SLFN14: variants seen among roughly 807,000 people sequenced by gnomAD.
SLFN14 encodes the protein protein SLFN14.
SLFN14 carries 47 observed loss-of-function variants against 58.6 expected under a neutral mutation model. The observed-to-expected ratio is 0.80, with a 90% CI of 0.64 to 1.02. The LOEUF (loss-of-function observed/expected upper bound fraction) is 1.02, where lower values mean the gene tolerates loss of function less well. SLFN14 is among the 50% of genes least tolerant of loss of function. The probability of loss-of-function intolerance (pLI) is 0.00; values close to 1 mark genes in which losing one functional copy is unlikely to be tolerated. For missense variants in SLFN14, 967 were observed against 1,078.4 expected, an observed-to-expected ratio of 0.90 and a Z score of 1.45; for synonymous variants, 390 against 387.3, an observed-to-expected ratio of 1.01 and a Z score of -0.08.
chr17:35,551,355 A>AT (rs1055928451), intron 5 of SLFN14, among the ~76,000 whole-genome samples: 1 of 152,124 alleles, frequency 6.6e-6, no homozygotes, highest in Non-Finnish European at 1.5e-5. Context: ...CCTCAGGAAT[A>AT]TTTTTTGTCT....
chr17:35,553,140 A>C lies in SLFN14; in HGVS notation c.1494T>G (p.Thr498=), dbSNP rs1305649243. 6.4e-7 allele frequency: 1 copy of C among 1,551,650 alleles called. No homozygotes were observed. Among genetic ancestry groups the C allele is most frequent in the Non-Finnish European group, 8.7e-7 (1 of 1,146,986 alleles). The stretch of plus-strand genomic sequence containing the variant: ...ACACTTTCCCTGTGTAACCACCAAC[A>C]GTTTGCAGTTTCTGCTTTAACTGAT... ...TAHQLKQKLQ[T]VGGYTGKVCI... The change falls in exon 5 of 6, where the codon ACT becomes ACG. Residue 498 remains threonine (T), a synonymous_variant. Transcript: ENST00000674182.
rs879402443 is a variant in SLFN14 at position 35,547,060 on chromosome 17, A to G, written c.*1179T>C. ...AGAGTATAAGGCATTTCTAGCCTAC[A>G]TGAATGTATTCACATACATAGAGGA... On this transcript the variant is annotated 3_prime_UTR_variant, in exon 6 of 6. Coordinates refer to ENST00000674182, the MANE Select transcript of SLFN14 (RefSeq NM_001129820.2). Among the ~76,000 whole-genome samples, 4 of 152,206 alleles carry G rather than the reference A, an allele frequency of 2.6e-5. No homozygotes were observed. Among genetic ancestry groups the G allele is most frequent in the Admixed American group, 2.6e-4 (4 of 15,282 alleles).
In SLFN14 at chr17:35,548,096, G is replaced by A. The variant is rs2072548254; in HGVS notation, c.*143C>T. On this transcript the variant is annotated 3_prime_UTR_variant, in exon 6 of 6. Coordinates refer to ENST00000674182, the MANE Select transcript of SLFN14 (RefSeq NM_001129820.2). ...GCATTGAAATAGAGTGGAAGGCTCA[G>A]CTCCAAGAGACATTTCTGTGGCTCC... 1.3e-6 allele frequency: 1 copy of A among 792,578 alleles called. No homozygotes were observed. Among genetic ancestry groups the A allele is most frequent in the Admixed American group, 2.9e-5 (1 of 34,546 alleles). The allele number at this position is 792,578 out of a possible 1,614,324, so 49.1% of individuals were successfully genotyped here. A position where few individuals can be genotyped will look rare whatever the true frequency, so the allele number is the denominator to read the frequency against.
At position 35,552,734 on chromosome 17, in the gene SLFN14, C is replaced by T. The variant is rs1373783660; in HGVS notation, c.1900G>A (p.Val634Met). 2 of 1,541,502 alleles carry T rather than the reference C, an allele frequency of 1.3e-6. No individual in the cohort carries two copies. Among genetic ancestry groups the T allele is most frequent in the East Asian group, 2.5e-5 (1 of 40,802 alleles). Residue 634 changes from valine (V) to methionine (M), a missense_variant, in exon 5 of 6, where the codon GTG (valine) becomes ATG (methionine). Val to Met is a conservative substitution (Grantham distance 21, BLOSUM62 1). Coordinates refer to ENST00000674182, the MANE Select transcript of SLFN14 (RefSeq NM_001129820.2). The stretch of plus-strand genomic sequence containing the variant: ...TGTAGTTGGTAAAACTCTTACGTCA[C>T]AAAATCCTTTAGGGAGTCGCTTTCA... ...VCESDSLKDF[V>M]TQQTTCQAVT... is the part of the protein sequence containing the mutation.
Position 35,552,713 on chromosome 17 carries a change from G to C in SLFN14, c.1904+17C>G. The C allele has an allele frequency of 6.6e-7, 1 of 1,515,274 alleles. No homozygotes were observed. The highest frequency in any genetic ancestry group is 1.2e-5 in the South Asian group (1 of 80,236). The allele number at this position is 1,515,274 out of a possible 1,614,324, so 93.9% of individuals were successfully genotyped here. A position where few individuals can be genotyped will look rare whatever the true frequency, so the allele number is the denominator to read the frequency against. On this transcript the variant is annotated intron_variant, in intron 5 of 5. Coordinates refer to ENST00000674182, the MANE Select transcript of SLFN14 (RefSeq NM_001129820.2). ...ACATACATATTTTTGTGTGTGTGTA[G>C]TTGGTAAAACTCTTACGTCACAAAA...
rs1306017787 is a variant in SLFN14 at position 35,547,508 on chromosome 17, C to T, written c.*731G>A. Among the ~76,000 whole-genome samples the T allele has an allele frequency of 2.0e-5, 3 of 152,200 alleles. No homozygotes were observed. Among genetic ancestry groups the T allele is most frequent in the Non-Finnish European group, 4.4e-5 (3 of 68,038 alleles). On this transcript the variant is annotated 3_prime_UTR_variant, in exon 6 of 6. Coordinates refer to ENST00000674182, the MANE Select transcript of SLFN14 (RefSeq NM_001129820.2). ...TGTTGAGGGCACTGATTAGCAAAAG[C>T]ATTTGACCCACTTATGACTATGGTC...
intron 5 of SLFN14, 127 bp downstream of exon 5, chr17:35,552,603 T>C (rs1259723270): frequency 6.2e-6 from 2 of 323,528 alleles, no homozygotes; most frequent in African/African-American, 2.4e-5. Context: ...AAAAAGAATA[T>C]ATATATATGT....
intron 4 of SLFN14, among the ~76,000 whole-genome samples, chr17:35,553,703 A>G (rs1330103173): frequency 1.3e-5 from 2 of 151,916 alleles, no homozygotes; most frequent in East Asian, 3.9e-4. Context: ...CAGTGGTGTG[A>G]TCTTGGCTCA....
At chr17:35,555,014 C>G (rs2072637656) in intron 3 of SLFN14, among the ~76,000 whole-genome samples, 1 of 151,998 alleles carries the variant, frequency 6.6e-6, no homozygotes, top group Admixed American at 6.6e-5. Context: ...TATTCTGACT[C>G]CAGGTTATCT....
At chr17:35,554,764 A>G in intron 3 of SLFN14, 60 bp from the exon 4 acceptor site, 1 of 1,327,904 alleles carries the variant, frequency 7.5e-7, no homozygotes, top group Non-Finnish European at 9.8e-7. Context: ...AAAAAAAAAA[A>G]AAAAGCCTCT....
At position 35,553,080 on chromosome 17, in the gene SLFN14, T is replaced by C. The variant is rs533901201; in HGVS notation, c.1554A>G (p.Thr518=). The C allele has an allele frequency of 4.5e-6, 7 of 1,551,686 alleles. No homozygotes were observed. Among genetic ancestry groups the C allele is most frequent in the Non-Finnish European group, 5.2e-6 (6 of 1,146,988 alleles). ...IIPRLIHLSS[T]QSRPGEIPLR... ...GGGGGATCTCACCAGGTCTACTCTGTGTGCTGCTCAGGTGTATCAGCCTTG... is the reference window on the plus strand; with the variant it reads ...GGGGGATCTCACCAGGTCTACTCTGCGTGCTGCTCAGGTGTATCAGCCTTG... The change falls in exon 5 of 6, where the codon ACA becomes ACG. Residue 518 remains threonine (T), a synonymous_variant. Transcript: ENST00000674182.
chr17:35,553,056 G>A lies in SLFN14; in HGVS notation c.1578C>T (p.Pro526=), dbSNP rs1210456676. Residue 526 remains proline (P), a synonymous_variant, in exon 5 of 6, where the codon CCC becomes CCT. Coordinates refer to ENST00000674182, the MANE Select transcript of SLFN14 (RefSeq NM_001129820.2). ...GCCTGTAGGACCTGGGGTAACGCAG[G>A]GGGATCTCACCAGGTCTACTCTGTG... ...SSTQSRPGEI[P]LRYPRSYRLA... 2 of 1,551,422 alleles carry A rather than the reference G, an allele frequency of 1.3e-6. No homozygotes were observed. Among genetic ancestry groups the A allele is most frequent in the Non-Finnish European group, 1.7e-6 (2 of 1,146,974 alleles).
rs1350863048 is a variant in SLFN14, at chr17:35,557,029, A to G, written c.1034T>C (p.Val345Ala). Residue 345 changes from valine (V) to alanine (A), a missense_variant, in exon 3 of 6, where the codon GTG becomes GCG. By Grantham distance (64) the Val-to-Ala change is moderately conservative. Transcript: ENST00000674182. ...TGACTGAGTATCCAGCATCATGACC[A>G]CCCACTGCTCAGCTGTCAGCCGTGT... is the stretch of plus-strand genomic sequence containing the variant. ...SVTRLTAEQW[V>A]VMMLDTQSAP... The G allele has an allele frequency of 6.4e-7, 1 of 1,551,414 alleles. No individual in the cohort carries two copies. The highest frequency in any genetic ancestry group is 1.2e-5 in the South Asian group (1 of 84,028).
At position 35,552,727 on chromosome 17, in the gene SLFN14, T is replaced by TA. The variant is rs1160582893; in HGVS notation, c.1904+2dup. ...GTGTGTGTGTAGTTGGTAAAACTCT[T>TA]ACGTCACAAAATCCTTTAGGGAGTC... On this transcript the variant is annotated splice_region_variant and intron_variant, in intron 5 of 5. Coordinates refer to ENST00000674182, the MANE Select transcript of SLFN14 (RefSeq NM_001129820.2). 1 of 1,540,610 alleles carries TA rather than the reference T, an allele frequency of 6.5e-7. No homozygotes were observed. Among genetic ancestry groups the TA allele is most frequent in the Admixed American group, 2.1e-5 (1 of 48,618 alleles).
rs1432699564 is a variant in SLFN14, at chr17:35,553,116, C to T, written c.1518G>A (p.Val506=). 1 of 1,551,688 alleles carries T rather than the reference C, an allele frequency of 6.4e-7. No homozygotes were observed. Among genetic ancestry groups the T allele is most frequent in the East Asian group, 2.4e-5 (1 of 40,924 alleles). The change falls in exon 5 of 6, where the codon GTG becomes GTA. Residue 506 remains valine, a synonymous_variant. Transcript: ENST00000674182. ...GGTGTATCAGCCTTGGAATGATGCA[C>T]ACTTTCCCTGTGTAACCACCAACAG... ...LQTVGGYTGK[V]CIIPRLIHLS... is the part of the protein sequence containing the mutation.
At position 35,548,314 on chromosome 17, in the gene SLFN14, T is replaced by C; in HGVS notation, c.2664A>G (p.Glu888=). Reference sequence around the variant, plus strand: ...TTGAAGCAAAGCAGAGCTTATGAAATTCCTCTGACTGGTCACATTCTGGAC... The same window carrying C: ...TTGAAGCAAAGCAGAGCTTATGAAACTCCTCTGACTGGTCACATTCTGGAC... ...GLSPECDQSE[E]FHKLCFASRA... is the part of the protein sequence containing the mutation. Residue 888 remains glutamate, a synonymous_variant, in exon 6 of 6, where the codon GAA becomes GAG. Coordinates refer to ENST00000674182, the MANE Select transcript of SLFN14 (RefSeq NM_001129820.2). 4 of 1,551,682 alleles carry C rather than the reference T, an allele frequency of 2.6e-6. No individual in the cohort carries two copies. Among genetic ancestry groups the C allele is most frequent in the Non-Finnish European group, 3.5e-6 (4 of 1,146,974 alleles).
chr17:35,547,333 G>A lies in SLFN14; in HGVS notation c.*906C>T, dbSNP rs1000176525. Reference sequence around the variant, plus strand: ...CAATCTTATTTTATATTAAGTTGGTGCAAAAGTAATTGTGGCTTTTGCACT... The same window carrying A: ...CAATCTTATTTTATATTAAGTTGGTACAAAAGTAATTGTGGCTTTTGCACT... On this transcript the variant is annotated 3_prime_UTR_variant, in exon 6 of 6. Coordinates refer to ENST00000674182, the MANE Select transcript of SLFN14 (RefSeq NM_001129820.2). Among the ~76,000 whole-genome samples, 1 of 152,148 alleles carries A rather than the reference G, an allele frequency of 6.6e-6. No homozygotes were observed. The highest frequency in any genetic ancestry group is 1.5e-5 in the Non-Finnish European group (1 of 68,012).
At chr17:35,558,807 G>A (rs167691) in intron 2 of SLFN14, among the ~76,000 whole-genome samples, 80,441 of 151,978 alleles carry the variant, frequency 0.53, 21,426 homozygotes, top group African/African-American at 0.58. Flanking sequence ...AATAGAAGTT[G>A]AAGTGAGAAG....
chr17:35,548,483 AG>A lies in SLFN14; in HGVS notation c.2494del (p.Leu832TyrfsTer7). 6.4e-7 allele frequency: 1 copy of A among 1,551,740 alleles called. No homozygotes were observed. The highest frequency in any genetic ancestry group is 1.2e-5 in the South Asian group (1 of 84,062). ...GEDRGRYRLA[L>X]LKAMELIETH... ...CTCAATTAATTCCATTGCTTTGAGTAGTGCAAGCCTATAGCGTCCTCTGTCC... is the reference window on the plus strand; with the variant it reads ...CTCAATTAATTCCATTGCTTTGAGTATGCAAGCCTATAGCGTCCTCTGTCC... On this transcript the variant is annotated frameshift_variant, in exon 6 of 6. Coordinates refer to ENST00000674182, the MANE Select transcript of SLFN14 (RefSeq NM_001129820.2). LOFTEE classifies it high-confidence loss of function.
Sources: gnomAD v4.1 joint callset for allele counts (sites outside exome capture counted in the v4.1 genomes callset) on GRCh38, gnomAD v4.1.1 for gene constraint, MANE v1.5 for transcripts, NCBI Gene and HGNC (gene_info 2026-07-23, HGNC 2026-07-21) for gene names.